The following GPR135 variants were observed in gnomAD, a reference collection of about 807,000 sequenced individuals.
GPR135 encodes G protein-coupled receptor 135, also known as G-protein coupled receptor 135.
In GPR135, 17 loss-of-function variants were observed where a neutral mutation model predicts 15.0. The ratio of observed to expected loss-of-function variants is 1.13; its 90% CI spans 0.78 to 1.70. The LOEUF is 1.70. Ranked by LOEUF, GPR135 falls within the 40% of genes most tolerant of loss-of-function variation. The pLI, the probability that GPR135 is intolerant of heterozygous loss-of-function variation, is 0.00. For missense variants in GPR135, 776 were observed against 727.0 expected, an observed-to-expected ratio of 1.07 and a Z score of -0.78; for synonymous variants, 368 against 349.4, an observed-to-expected ratio of 1.05 and a Z score of -0.59.
Position 59,464,823 on chromosome 14 carries a change from C to A in GPR135, c.404G>T (p.Arg135Leu). 6.3e-7 allele frequency: 1 copy of A among 1,585,462 alleles called. No individual in the cohort carries two copies. Residue 135 changes from arginine (R) to leucine (L), a missense_variant, in exon 1 of 1, where the codon CGC (arginine) becomes CTC (leucine). Physicochemically the swap from Arg to Leu is moderately radical, Grantham distance 102 (BLOSUM62 -2). Transcript: ENST00000395116. ...MGVIVKHRQL[R>L]TVTNAFILSL... ...CAGGATGAAGGCGTTGGTGACGGTG[C>A]GGAGCTGCCGGTGCTTCACAATCAC...
downstream of GPR135, among the ~76,000 whole-genome samples, chr14:59,458,005 G>A (rs190952558): frequency 2.0e-5 from 3 of 152,202 alleles, no homozygotes; most frequent in East Asian, 1.9e-4. Flanking sequence ...CCAGATACAC[G>A]TTTCTACTAC....
rs924103511 is a variant in GPR135 at position 59,454,017 on chromosome 14, A to G, written c.*874+1667T>C. Among the ~76,000 whole-genome samples the G allele has an allele frequency of 5.9e-5, 9 of 152,296 alleles. No homozygotes were observed. The South Asian group carries it at 1.9e-3, about 32-fold the overall frequency. The stretch of plus-strand genomic sequence containing the variant: ...AAGTGGGGCCAACTATGATGTGATA[A>G]TTAATATTGAGTTTCAACTTGATTG... On this transcript the variant is annotated intron_variant and NMD_transcript_variant, in intron 6 of 6. Coordinates refer to the GPR135 transcript ENST00000481661.
chr14:59,459,348 G>A (rs1341261317), downstream of GPR135, among the ~76,000 whole-genome samples: 2 of 152,190 alleles, frequency 1.3e-5, no homozygotes, highest in Non-Finnish European at 1.5e-5. Flanking sequence ...TGTGGTCACA[G>A]CCCTCTATGG....
chr14:59,454,755 C>G (rs143353473), intron 6 of GPR135, among the ~76,000 whole-genome samples: 11 of 152,254 alleles, frequency 7.2e-5, no homozygotes, highest in Admixed American at 3.9e-4. Context: ...GCCAGAATGA[C>G]TATCCTAAAG....
At position 59,464,191 on chromosome 14, in the gene GPR135, G is replaced by T; in HGVS notation, c.1036C>A (p.Pro346Thr). The change falls in exon 1 of 1, where the codon CCC becomes ACC. Residue 346 changes from proline to threonine, a missense_variant. Physicochemically the swap from Pro to Thr is conservative, Grantham distance 38. Coordinates refer to ENST00000395116, the MANE Select transcript of GPR135 (RefSeq NM_022571.6). The part of the protein sequence containing the change: ...MIVFVICCWG[P>T]YCFLVLLAAA... ...GCCAGCAGCACCAGGAAGCAGTAGG[G>T]CCCCCAGCAGCAGATGACGAAGACG... is the stretch of plus-strand genomic sequence containing the variant. The T allele has an allele frequency of 6.2e-7, 1 of 1,609,194 alleles. No homozygotes were observed.
rs1889098485 is a variant in GPR135, at chr14:59,465,101, G to C, written c.126C>G (p.Leu42=). 7.2e-7 allele frequency: 1 copy of C among 1,384,590 alleles called. No individual in the cohort carries two copies. The highest frequency in any genetic ancestry group is 9.4e-7 in the Non-Finnish European group (1 of 1,068,676). 85.8% of individuals were successfully genotyped at this position (1,384,590 alleles called of 1,614,324 possible). A position where few individuals can be genotyped will look rare whatever the true frequency, so the allele number is the denominator to read the frequency against. Residue 42 remains leucine, a synonymous_variant, in exon 1 of 1, where the codon CTC becomes CTG. Coordinates refer to ENST00000395116, the MANE Select transcript of GPR135 (RefSeq NM_022571.6). The part of the protein sequence containing the change: ...GTSSAATAAV[L]SFSTVATAAL... ...CCGCGGTCGCCACGGTGCTGAAGGA[G>C]AGCACGGCCGCCGTGGCCGCGGAGG...
At chr14:59,454,393 G>A (rs765561061) in intron 6 of GPR135, among the ~76,000 whole-genome samples, 13 of 152,182 alleles carry the variant, frequency 8.5e-5, no homozygotes, top group Non-Finnish European at 1.5e-4. Context: ...GTTTGGCAAG[G>A]TCAAGTAAGA....
chr14:59,464,065 C>A lies in GPR135; in HGVS notation c.1162G>T (p.Ala388Ser). The part of the protein sequence containing the change: ...ANGAINPVIY[A>S]IRNPNISMLL... Reference sequence around the variant, plus strand: ...ATCGAAATGTTGGGATTGCGGATGGCGTAGATGACAGGGTTGATGGCCCCA... The same window carrying A: ...ATCGAAATGTTGGGATTGCGGATGGAGTAGATGACAGGGTTGATGGCCCCA... The change falls in exon 1 of 1, where the codon GCC (alanine) becomes TCC (serine). Residue 388 changes from alanine to serine, a missense_variant. Transcript: ENST00000395116. 2.5e-6 allele frequency: 4 copies of A among 1,613,348 alleles called. No individual in the cohort carries two copies. Among genetic ancestry groups the A allele is most frequent in the Non-Finnish European group, 3.4e-6 (4 of 1,180,026 alleles).
rs1442789262 is a variant in GPR135 at position 59,464,638 on chromosome 14, C to T, written c.589G>A (p.Val197Met). 1 of 1,597,352 alleles carries T rather than the reference C, an allele frequency of 6.3e-7. No homozygotes were observed. The highest frequency in any genetic ancestry group is 8.5e-7 in the Non-Finnish European group (1 of 1,178,000). Residue 197 changes from valine to methionine, a missense_variant, in exon 1 of 1, where the codon GTG becomes ATG. Coordinates refer to ENST00000395116, the MANE Select transcript of GPR135 (RefSeq NM_022571.6). ...ATGAGCGCCACGCTGAGCGTGGACACGATGCCGAAGCACGAGCTGAAGAAG... is the reference window on the plus strand; with the variant it reads ...ATGAGCGCCACGCTGAGCGTGGACATGATGCCGAAGCACGAGCTGAAGAAG... ...SRFFSSCFGI[V>M]STLSVALISL...
downstream of GPR135, chr14:59,458,834 C>T (rs146368141): frequency 6.6e-6 from 1 of 152,310 alleles, no homozygotes; most frequent in African/African-American, 2.4e-5. Context: ...GAAGACAACC[C>T]CCAGCTTCTT....
In GPR135 at chr14:59,461,509, C is replaced by G. The variant is rs1888856971; in HGVS notation, c.*2233G>C. The G allele has an allele frequency of 6.6e-6, 1 of 152,122 alleles. No homozygotes were observed. The highest frequency in any genetic ancestry group is 6.5e-5 in the Admixed American group (1 of 15,280). The allele number at this position is 152,122 out of a possible 1,614,324, so 9.4% of individuals were successfully genotyped here. Reference sequence around the variant, plus strand: ...GCCTCTTTCACAAGCCATGCCTTTCCTAAAACTTCCTGCCACCGAAAAGGT... The same window carrying G: ...GCCTCTTTCACAAGCCATGCCTTTCGTAAAACTTCCTGCCACCGAAAAGGT... On this transcript the variant is annotated 3_prime_UTR_variant, in exon 1 of 1. Coordinates refer to ENST00000395116, the MANE Select transcript of GPR135 (RefSeq NM_022571.6).
At chr14:59,459,205 A>G (rs563203121), downstream of GPR135, among the ~76,000 whole-genome samples, 1 of 152,376 alleles carries the variant, frequency 6.6e-6, no homozygotes, top group Non-Finnish European at 1.5e-5. Flanking sequence ...CCTCATTGCC[A>G]TTCCAGAAGT....
At chr14:59,453,216 T>G (rs1218956961) in intron 6 of GPR135, among the ~76,000 whole-genome samples, 1 of 152,214 alleles carries the variant, frequency 6.6e-6, no homozygotes, top group African/African-American at 2.4e-5. Flanking sequence ...TGAACCCTAA[T>G]GTAAACTATG....
intron 6 of GPR135, among the ~76,000 whole-genome samples, chr14:59,454,374 G>A (rs541009842): frequency 2.6e-5 from 4 of 152,164 alleles, no homozygotes; most frequent in Non-Finnish European, 4.4e-5. Context: ...ACTAATACAC[G>A]TGGTTTATGT....
downstream of GPR135, among the ~76,000 whole-genome samples, chr14:59,459,564 A>G (rs141490671): frequency 8.5e-4 from 129 of 152,370 alleles, no homozygotes; most frequent in Non-Finnish European, 1.4e-3. Flanking sequence ...ACTGGCACTA[A>G]TAAGCCCCTA....
Position 59,465,160 on chromosome 14 carries a change from C to A in GPR135, c.67G>T (p.Ala23Ser), listed in dbSNP as rs966378542. The A allele has an allele frequency of 7.5e-7, 1 of 1,330,442 alleles. No homozygotes were observed. Among genetic ancestry groups the A allele is most frequent in the African/African-American group, 1.5e-5 (1 of 65,828 alleles). 82.4% of individuals were successfully genotyped at this position (1,330,442 alleles called of 1,614,324 possible). The part of the protein sequence containing the change: ...MALLGSQHSG[A>S]PSAAGPPGGT... Reference sequence around the variant, plus strand: ...CCAGGTGGGCCGGCCGCGGAGGGGGCGCCGGAGTGCTGGCTGCCCAGTAAG... The same window carrying A: ...CCAGGTGGGCCGGCCGCGGAGGGGGAGCCGGAGTGCTGGCTGCCCAGTAAG... Residue 23 changes from alanine (A) to serine (S), a missense_variant, in exon 1 of 1, where the codon GCC becomes TCC. Physicochemically the swap from Ala to Ser is moderately conservative, Grantham distance 99. Transcript: ENST00000395116.
Position 59,464,626 on chromosome 14 carries a change from T to C in GPR135, c.601A>G (p.Ser201Gly). The change falls in exon 1 of 1, where the codon AGC becomes GGC. Residue 201 changes from serine to glycine, a missense_variant. Coordinates refer to ENST00000395116, the MANE Select transcript of GPR135 (RefSeq NM_022571.6). ...SSCFGIVSTL[S>G]VALISLDRYC... Reference sequence around the variant, plus strand: ...CGGTCCAACGAGATGAGCGCCACGCTGAGCGTGGACACGATGCCGAAGCAC... The same window carrying C: ...CGGTCCAACGAGATGAGCGCCACGCCGAGCGTGGACACGATGCCGAAGCAC... 6.3e-7 allele frequency: 1 copy of C among 1,597,430 alleles called. No homozygotes were observed. Among genetic ancestry groups the C allele is most frequent in the Non-Finnish European group, 8.5e-7 (1 of 1,178,242 alleles).
At chr14:59,460,653 T>A (rs1245153921), downstream of GPR135, 1 of 152,230 alleles carries the variant, frequency 6.6e-6, no homozygotes, top group East Asian at 1.9e-4. Flanking sequence ...GAGGATTAAA[T>A]GAGCTAATGC....
At chr14:59,455,190 T>G (rs1014337836) in intron 6 of GPR135, among the ~76,000 whole-genome samples, 2 of 152,096 alleles carry the variant, frequency 1.3e-5, no homozygotes, top group African/African-American at 4.8e-5. Context: ...CCTTGGTGAC[T>G]GGCCTAGCTA....
Sources: gnomAD v4.1 joint callset for allele counts (sites outside exome capture counted in the v4.1 genomes callset) on GRCh38, gnomAD v4.1.1 for gene constraint, MANE v1.5 for transcripts, NCBI Gene and HGNC (gene_info 2026-07-23, HGNC 2026-07-21) for gene names.